RTF1: variants seen among roughly 807,000 people sequenced by gnomAD.
The protein encoded by RTF1 is RTF1 homolog, Paf1/RNA polymerase II complex component.
A neutral mutation model predicts 95.7 loss-of-function variants in RTF1; 10 were observed. The observed-to-expected ratio is 0.10, with a 90% CI of 0.06 to 0.18. The LOEUF (loss-of-function observed/expected upper bound fraction) is 0.18. Ranked by LOEUF, RTF1 falls within the 10% of genes least tolerant of loss-of-function variation. RTF1 has a pLI of 1.00. For synonymous variants in RTF1, 305 were observed against 311.8 expected (o/e 0.98, Z 0.23); for missense variants, 458 against 875.6 (o/e 0.52, Z 6.02).
chr15:41,459,794 A>G (rs1024009788), intron 4 of RTF1, among the ~76,000 whole-genome samples: 1 of 152,186 alleles, frequency 6.6e-6, no homozygotes, highest in African/African-American at 2.4e-5. Flanking sequence ...AGCTGCTTCA[A>G]TGTTTTGAAC....
At chr15:41,455,655 A>C (rs2140959775) in intron 3 of RTF1, among the ~76,000 whole-genome samples, 1 of 151,638 alleles carries the variant, frequency 6.6e-6, no homozygotes, top group East Asian at 2.0e-4. Context: ...AAATACAAAA[A>C]TTAGCCAAGC....
intron 1 of RTF1, among the ~76,000 whole-genome samples, chr15:41,430,006 C>CTT (rs1410593149): frequency 2.1e-5 from 3 of 143,034 alleles, no homozygotes; most frequent in African/African-American, 7.7e-5. Context: ...TTTATTTTTT[C>CTT]TTTTCTTTTT....
At chr15:41,450,758 T>C (rs1410627712) in intron 2 of RTF1, among the ~76,000 whole-genome samples, 4 of 152,018 alleles carry the variant, frequency 2.6e-5, no homozygotes, top group African/African-American at 9.7e-5. Flanking sequence ...GAGACCAGCC[T>C]TAGTGACATA....
rs2140660724 is a variant in RTF1, at chr15:41,481,189, C to G, written c.*502C>G. 1 of 134,360 alleles carries G rather than the reference C, an allele frequency of 7.4e-6. No homozygotes were observed. The highest frequency in any genetic ancestry group is 1.5e-5 in the Non-Finnish European group (1 of 65,930). The allele number at this position is 134,360 out of a possible 1,614,324, so 8.3% of individuals were successfully genotyped here. The stretch of plus-strand genomic sequence containing the variant: ...CTCTTCATCTTTCTCTTCTGCCCTT[C>G]TTTTTGGAAGAAGGGGTTTCAAAAC... On this transcript the variant is annotated 3_prime_UTR_variant, in exon 18 of 18. Transcript: ENST00000389629.
Position 41,457,024 on chromosome 15 carries a change from T to TG in RTF1, c.458-647dup, listed in dbSNP as rs367826769. Reference sequence around the variant, plus strand: ...GCTTGTGAACCAGGGAGGTGGAAGTTGCAATGAGCTGAGATCACACCACTG... The same window carrying TG: ...GCTTGTGAACCAGGGAGGTGGAAGTTGGCAATGAGCTGAGATCACACCACTG... On this transcript the variant is annotated intron_variant, in intron 3 of 17. Coordinates refer to ENST00000389629, the MANE Select transcript of RTF1 (RefSeq NM_015138.5). 2.5e-3 allele frequency among the ~76,000 whole-genome samples: 374 copies of TG among 150,746 alleles called. 1 individual carries two copies. Among genetic ancestry groups the TG allele is most frequent in the African/African-American group, 8.7e-3 (355 of 40,986 alleles).
chr15:41,431,218 C>CTTTT (rs543088486), intron 1 of RTF1, among the ~76,000 whole-genome samples: 1 of 129,964 alleles, frequency 7.7e-6, no homozygotes. Context: ...TTTCTTTTTT[C>CTTTT]TTTTTTTTTT....
At chr15:41,436,340 C>T (rs936257055) in intron 1 of RTF1, among the ~76,000 whole-genome samples, 3 of 151,284 alleles carry the variant, frequency 2.0e-5, no homozygotes, top group Admixed American at 2.0e-4. Flanking sequence ...ACCGGTAGTC[C>T]CAGCTACTCA....
chr15:41,476,676 C>T (rs369853756), intron 12 of RTF1, among the ~76,000 whole-genome samples, 153 bp downstream of exon 12: 6 of 152,230 alleles, frequency 3.9e-5, no homozygotes, highest in African/African-American at 1.2e-4. Context: ...ACCTGGGCAA[C>T]GTTCCTTGGC....
rs935547899 is a variant in RTF1, at chr15:41,458,021, T to G, written c.662+145T>G. On this transcript the variant is annotated intron_variant, in intron 4 of 17. Transcript: ENST00000389629. The stretch of plus-strand genomic sequence containing the variant: ...TGTTAACATGATGAGACGCAAGTGA[T>G]GTATTAAATTTCAATCACATTCATT... The G allele has an allele frequency of 9.8e-5, 63 of 643,558 alleles. 1 individual carries two copies. The highest frequency in any genetic ancestry group is 4.3e-4 in the Middle Eastern group (1 of 2,352). The allele number at this position is 643,558 out of a possible 1,614,324, so 39.9% of individuals were successfully genotyped here.
In RTF1 at chr15:41,481,760, T is replaced by C. The variant is rs959349439; in HGVS notation, c.*1073T>C. 1.3e-5 allele frequency: 2 copies of C among 152,620 alleles called. No individual in the cohort carries two copies. Among genetic ancestry groups the C allele is most frequent in the African/African-American group, 2.4e-5 (1 of 41,448 alleles). 9.5% of individuals were successfully genotyped at this position (152,620 alleles called of 1,614,324 possible). ...TTTGTTTTTAAGAGAAATTTCTGAA[T>C]ATGAATGTGGAGAGCAAACACAAAA... On this transcript the variant is annotated 3_prime_UTR_variant, in exon 18 of 18. Coordinates refer to ENST00000389629, the MANE Select transcript of RTF1 (RefSeq NM_015138.5).
chr15:41,466,763 C>G (rs2050882570), intron 6 of RTF1, among the ~76,000 whole-genome samples: 1 of 152,196 alleles, frequency 6.6e-6, no homozygotes, highest in Non-Finnish European at 1.5e-5. Context: ...GGCATTTAAT[C>G]TGTATGTTTT....
chr15:41,432,499 G>A (rs1421606095), intron 1 of RTF1, among the ~76,000 whole-genome samples: 1 of 151,986 alleles, frequency 6.6e-6, no homozygotes, highest in East Asian at 1.9e-4. Flanking sequence ...GCCCGGCCTA[G>A]GTTTTCAGTA....
At chr15:41,477,037 T>A in intron 12 of RTF1, 128 bp from the exon 13 acceptor site, 1 of 1,142,990 alleles carries the variant, frequency 8.7e-7, no homozygotes, top group Non-Finnish European at 1.3e-6. Context: ...TCTACAGTAT[T>A]CTTCCACATC....
intron 1 of RTF1, among the ~76,000 whole-genome samples, chr15:41,425,994 A>T (rs560639927): frequency 3.9e-5 from 6 of 152,016 alleles, no homozygotes; most frequent in Non-Finnish European, 7.4e-5. Context: ...TGAAAATAAC[A>T]CTTGAGGGCC....
At chr15:41,428,674 G>C (rs1294808520) in intron 1 of RTF1, among the ~76,000 whole-genome samples, 3 of 151,672 alleles carry the variant, frequency 2.0e-5, no homozygotes, top group African/African-American at 7.3e-5. Context: ...CTGGCTTCAA[G>C]TGATCCTCCC....
In RTF1 at chr15:41,439,285, T is replaced by C. The variant is rs534826025; in HGVS notation, c.309+854T>C. The stretch of plus-strand genomic sequence containing the variant: ...TCCTGACCTCGTGATCCACCCACCT[T>C]GGCCTCCCAAAGTGCTGGGATTACA... On this transcript the variant is annotated intron_variant, in intron 2 of 17. Coordinates refer to ENST00000389629, the MANE Select transcript of RTF1 (RefSeq NM_015138.5). 3.3e-5 allele frequency among the ~76,000 whole-genome samples: 5 copies of C among 152,174 alleles called. No individual in the cohort carries two copies. The East Asian group carries it at 9.7e-4, about 29-fold the overall frequency.
intron 3 of RTF1, among the ~76,000 whole-genome samples, chr15:41,455,315 A>G (rs1367248444): frequency 1.4e-5 from 2 of 147,630 alleles, no homozygotes; most frequent in Non-Finnish European, 3.0e-5. Context: ...TCTGTCTCCA[A>G]AAAAAAAAAA....
intron 6 of RTF1, among the ~76,000 whole-genome samples, chr15:41,466,742 A>G (rs573164067): frequency 6.6e-6 from 1 of 152,382 alleles, no homozygotes; most frequent in Non-Finnish European, 1.5e-5. Flanking sequence ...ATCTGTTAAT[A>G]CGTCCCTTAA....
At chr15:41,443,697 C>G (rs1001895769) in intron 2 of RTF1, among the ~76,000 whole-genome samples, 1 of 151,698 alleles carries the variant, frequency 6.6e-6, no homozygotes, top group Non-Finnish European at 1.5e-5. Context: ...CTGGGAAGTT[C>G]GGGACCAGCC....
Sources: gnomAD v4.1 joint callset for allele counts (sites outside exome capture counted in the v4.1 genomes callset) on GRCh38, gnomAD v4.1.1 for gene constraint, MANE v1.5 for transcripts, NCBI Gene and HGNC (gene_info 2026-07-23, HGNC 2026-07-21) for gene names.